Variants in ARID4B observed in about 807,000 individuals in gnomAD.
ARID4B encodes the protein AT-rich interactive domain-containing protein 4B.
Under a neutral mutation model 147.5 loss-of-function variants are expected in ARID4B, and 26 were observed. The ratio of observed to expected loss-of-function variants is 0.18; its 90% CI spans 0.13 to 0.24. The LOEUF is 0.24. ARID4B is among the 10% of genes least tolerant of loss of function. The pLI is 1.00. For missense variants in ARID4B, 1,179 were observed against 1,511.5 expected (o/e 0.78, Z 3.65); for synonymous variants, 512 against 507.9 (o/e 1.01, Z -0.11).
chr1:235,312,192 A>T (rs1441740406), intron 2 of ARID4B, among the ~76,000 whole-genome samples: 1 of 152,098 alleles, frequency 6.6e-6, no homozygotes, highest in African/African-American at 2.4e-5. Flanking sequence ...AGGCTGAGGC[A>T]GGAGAACTGC....
rs1167643521 is a variant in ARID4B, at chr1:235,277,528, C to T, written c.7-16776G>A. Among the ~76,000 whole-genome samples the T allele has an allele frequency of 2.3e-5, 3 of 130,490 alleles. No individual in the cohort carries two copies. In the South Asian group the frequency reaches 8.2e-4, roughly 36 times the overall value. 85.6% of individuals were successfully genotyped at this position (130,490 alleles called of 152,430 possible). On this transcript the variant is annotated intron_variant, in intron 2 of 23. Coordinates refer to ENST00000264183, the MANE Select transcript of ARID4B (RefSeq NM_016374.6). ...CACTCCAGCCTGGGCGACAGCGAGA[C>T]TCCGTCTCAAAAAAAAAAAAAAATA...
chr1:235,326,389 C>G (rs1352402268), intron 2 of ARID4B, among the ~76,000 whole-genome samples: 1 of 152,150 alleles, frequency 6.6e-6, no homozygotes, highest in Non-Finnish European at 1.5e-5. Flanking sequence ...AACCATATAA[C>G]CCCAAGTCAC....
intron 9 of ARID4B, among the ~76,000 whole-genome samples, chr1:235,232,928 C>G (rs1354491382): frequency 6.6e-6 from 1 of 152,048 alleles, no homozygotes; most frequent in African/African-American, 2.4e-5. Flanking sequence ...CCCTCCATCT[C>G]CCAGGTTCAA....
intron 19 of ARID4B, among the ~76,000 whole-genome samples, chr1:235,189,097 A>T (rs969393403): frequency 6.6e-6 from 1 of 152,168 alleles, no homozygotes; most frequent in Non-Finnish European, 1.5e-5. Context: ...AAACTAGTTT[A>T]ATTTAAAAAT....
chr1:235,238,983 CTTCT>C (rs975076218), intron 8 of ARID4B, among the ~76,000 whole-genome samples: 7 of 133,040 alleles, frequency 5.3e-5, no homozygotes, highest in Non-Finnish European at 9.5e-5. Flanking sequence ...CTTTTTTTTT[CTTCT>C]TTTTTTTTTT....
chr1:235,241,907 T>A (rs1447362048), intron 7 of ARID4B, among the ~76,000 whole-genome samples: 1 of 152,050 alleles, frequency 6.6e-6, no homozygotes, highest in Non-Finnish European at 1.5e-5. Context: ...TCAAATAACT[T>A]AAAAATTGTT....
chr1:235,207,875 T>C (rs1158738953), intron 17 of ARID4B, among the ~76,000 whole-genome samples: 5 of 152,256 alleles, frequency 3.3e-5, no homozygotes, highest in Non-Finnish European at 7.3e-5. Context: ...ATGTAACACA[T>C]TTTTAATTTC....
intron 2 of ARID4B, among the ~76,000 whole-genome samples, chr1:235,297,116 T>C (rs1672795810): frequency 6.6e-6 from 1 of 152,116 alleles, no homozygotes; most frequent in Admixed American, 6.5e-5. Flanking sequence ...TGATATCCCT[T>C]GTGCCAGAAA....
At chr1:235,179,840 GC>G (rs1480974316) in intron 20 of ARID4B, among the ~76,000 whole-genome samples, 1 of 151,860 alleles carries the variant, frequency 6.6e-6, no homozygotes, top group Non-Finnish European at 1.5e-5. Context: ...GGAGGCCAAG[GC>G]AGGCAGATCA....
At chr1:235,311,356 C>T (rs199834875) in intron 2 of ARID4B, among the ~76,000 whole-genome samples, 1 of 136,732 alleles carries the variant, frequency 7.3e-6, no homozygotes, top group Non-Finnish European at 1.6e-5. Context: ...TGTCTCAAAA[C>T]AATAATAATA....
At chr1:235,197,690 T>C (rs1665596570) in intron 17 of ARID4B, among the ~76,000 whole-genome samples, 1 of 152,230 alleles carries the variant, frequency 6.6e-6, no homozygotes. Context: ...AAGACTACAA[T>C]TTAAAAACAA....
Position 235,176,989 on chromosome 1 carries a change from G to A in ARID4B, c.3448+811C>T, listed in dbSNP as rs539471253. On this transcript the variant is annotated intron_variant, in intron 21 of 23. Coordinates refer to ENST00000264183, the MANE Select transcript of ARID4B (RefSeq NM_016374.6). Reference sequence around the variant, plus strand: ...ATGTGCAGCCCTCAGAAGAAATACAGTATATATATTTTCTGTGGATTGATG... The same window carrying A: ...ATGTGCAGCCCTCAGAAGAAATACAATATATATATTTTCTGTGGATTGATG... 149 of 466,600 alleles carry A rather than the reference G, an allele frequency of 3.2e-4. 1 individual carries two copies. Among genetic ancestry groups the A allele is most frequent in the Middle Eastern group, 1.6e-3 (5 of 3,052 alleles). 28.9% of individuals were successfully genotyped at this position (466,600 alleles called of 1,614,324 possible).
At chr1:235,324,631 A>G (rs1675093366) in intron 2 of ARID4B, among the ~76,000 whole-genome samples, 2 of 152,208 alleles carry the variant, frequency 1.3e-5, no homozygotes, top group Non-Finnish European at 2.9e-5. Context: ...CTGTAGCTCA[A>G]TGATCATCGT....
chr1:235,181,844 A>C lies in ARID4B; in HGVS notation c.3075T>G (p.Thr1025=). The C allele has an allele frequency of 6.2e-7, 1 of 1,614,168 alleles. No homozygotes were observed. Among genetic ancestry groups the C allele is most frequent in the East Asian group, 2.2e-5 (1 of 44,896 alleles). Residue 1025 remains threonine (T), a synonymous_variant, in exon 20 of 24, where the codon ACT becomes ACG. Coordinates refer to ENST00000264183, the MANE Select transcript of ARID4B (RefSeq NM_016374.6). Reference sequence around the variant, plus strand: ...TGACTGATGAAGGCGATTCAGGTGTAGTAGGAGGGGTATTTAGCACTGAAT... The same window carrying C: ...TGACTGATGAAGGCGATTCAGGTGTCGTAGGAGGGGTATTTAGCACTGAAT... ...GSNSVLNTPP[T]TPESPSSVTV...
At chr1:235,244,353 G>A (rs371391614) in intron 7 of ARID4B, among the ~76,000 whole-genome samples, 1 of 152,108 alleles carries the variant, frequency 6.6e-6, no homozygotes, top group African/African-American at 2.4e-5. Flanking sequence ...GGACAAACAA[G>A]TATTTCCATA....
intron 17 of ARID4B, among the ~76,000 whole-genome samples, chr1:235,204,593 G>A (rs1418378541): frequency 3.9e-5 from 6 of 152,150 alleles, no homozygotes; most frequent in Admixed American, 3.9e-4. Flanking sequence ...TAGGTCTTTA[G>A]GCAGAGGTAA....
intron 19 of ARID4B, among the ~76,000 whole-genome samples, chr1:235,183,164 T>C (rs1664434405): frequency 6.6e-6 from 1 of 151,716 alleles, no homozygotes; most frequent in African/African-American, 2.4e-5. Context: ...TCTGAGAAAA[T>C]AGTGGAGTCA....
chr1:235,207,729 G>A (rs1380254157), intron 17 of ARID4B, among the ~76,000 whole-genome samples: 1 of 152,126 alleles, frequency 6.6e-6, no homozygotes, highest in Non-Finnish European at 1.5e-5. Context: ...AATAAAGTGT[G>A]ATAAAAAGCA....
At chr1:235,269,978 C>CT (rs1419536187) in intron 2 of ARID4B, among the ~76,000 whole-genome samples, 1 of 151,570 alleles carries the variant, frequency 6.6e-6, no homozygotes, top group Non-Finnish European at 1.5e-5. Context: ...GTAAGAGTTA[C>CT]TGCATATTTT....
Sources: gnomAD v4.1 joint callset for allele counts (sites outside exome capture counted in the v4.1 genomes callset) on GRCh38, gnomAD v4.1.1 for gene constraint, MANE v1.5 for transcripts, NCBI Gene and HGNC (gene_info 2026-07-23, HGNC 2026-07-21) for gene names.